PCCA: variants seen among roughly 807,000 people sequenced by gnomAD.
The protein encoded by PCCA is propionyl-CoA carboxylase alpha chain, mitochondrial.
PCCA carries 74 observed loss-of-function variants against 101.3 expected under a neutral mutation model. The ratio of observed to expected loss-of-function variants is 0.73; its 90% CI spans 0.61 to 0.89. PCCA has a LOEUF of 0.89. Ranked by LOEUF, PCCA falls within the 40% of genes least tolerant of loss-of-function variation. The probability of loss-of-function intolerance (pLI) is 0.00; values close to 1 mark genes in which losing one functional copy is unlikely to be tolerated. For missense variants in PCCA, 891 were observed against 907.0 expected (o/e 0.98, Z 0.23); for synonymous variants, 294 against 313.6 (o/e 0.94, Z 0.66).
At chr13:100,401,083 A>G (rs768937169) in intron 19 of PCCA, among the ~76,000 whole-genome samples, 3 of 152,054 alleles carry the variant, frequency 2.0e-5, no homozygotes, top group African/African-American at 4.8e-5. Flanking sequence ...ATTTCAGACT[A>G]TTGTTTCTTT....
chr13:100,116,622 A>T (rs1376280912), intron 4 of PCCA, among the ~76,000 whole-genome samples: 1 of 149,986 alleles, frequency 6.7e-6, no homozygotes, highest in Non-Finnish European at 1.5e-5. Context: ...CCCTTCCCCA[A>T]TTTTTAGATA....
rs376537225 is a variant in PCCA at position 100,424,678 on chromosome 13, A to C, written c.1747-955A>C. Among the ~76,000 whole-genome samples the C allele has an allele frequency of 2.4e-3, 359 of 152,248 alleles. 6 individuals carry two copies. The South Asian group carries it at 0.024, about 10-fold the overall frequency. Reference sequence around the variant, plus strand: ...CTTTGTCCACTGCCACCCCCGCCCTATCCCCAAGGGTCCAGCAGAAGAGGA... The same window carrying C: ...CTTTGTCCACTGCCACCCCCGCCCTCTCCCCAAGGGTCCAGCAGAAGAGGA... On this transcript the variant is annotated intron_variant, in intron 19 of 23. Coordinates refer to ENST00000376285, the MANE Select transcript of PCCA (RefSeq NM_000282.4).
intron 19 of PCCA, among the ~76,000 whole-genome samples, chr13:100,374,287 A>G (rs1475029137): frequency 1.3e-5 from 2 of 152,186 alleles, no homozygotes; most frequent in Admixed American, 1.3e-4. Context: ...GAATGACAGA[A>G]TTAATTAATA....
intron 19 of PCCA, among the ~76,000 whole-genome samples, chr13:100,376,820 G>A (rs2075938253): frequency 6.6e-6 from 1 of 152,142 alleles, no homozygotes; most frequent in South Asian, 2.1e-4. Flanking sequence ...GAATGGTTCT[G>A]TTTCGCTGGT....
chr13:100,314,345 A>T (rs745548110), intron 16 of PCCA, among the ~76,000 whole-genome samples: 5 of 152,104 alleles, frequency 3.3e-5, no homozygotes, highest in Non-Finnish European at 7.4e-5. Context: ...GTGTTCAGCA[A>T]CCCACAAGTC....
At chr13:100,297,022 A>G (rs921384504) in intron 12 of PCCA, among the ~76,000 whole-genome samples, 1 of 152,178 alleles carries the variant, frequency 6.6e-6, no homozygotes, top group Non-Finnish European at 1.5e-5. Context: ...AGCATAAACC[A>G]TTTATTTTAT....
At chr13:100,400,807 G>A (rs1335792730) in intron 19 of PCCA, among the ~76,000 whole-genome samples, 1 of 151,784 alleles carries the variant, frequency 6.6e-6, no homozygotes, top group East Asian at 1.9e-4. Flanking sequence ...TGTATTTTTA[G>A]TAGAGACGGG....
chr13:100,484,929 C>T (rs994953230), intron 21 of PCCA, among the ~76,000 whole-genome samples: 2 of 137,794 alleles, frequency 1.5e-5, no homozygotes, highest in Non-Finnish European at 3.2e-5. Flanking sequence ...GTTTGATGCA[C>T]TGATAGGACC....
intron 19 of PCCA, among the ~76,000 whole-genome samples, chr13:100,398,607 G>T (rs1002639701): frequency 6.6e-6 from 1 of 152,156 alleles, no homozygotes; most frequent in Admixed American, 6.5e-5. Flanking sequence ...TGTTAATGAA[G>T]TTGCTTGTCC....
intron 18 of PCCA, among the ~76,000 whole-genome samples, chr13:100,358,464 G>T (rs1416060770): frequency 1.3e-5 from 2 of 152,148 alleles, no homozygotes; most frequent in Non-Finnish European, 2.9e-5. Flanking sequence ...AAGTATTAAA[G>T]ATGAAAATGA....
rs58927688 is a variant in PCCA, at chr13:100,273,828, CT to C, written c.1065+484del. Among the ~76,000 whole-genome samples the C allele has an allele frequency of 2.0e-4, 30 of 152,260 alleles. 1 individual carries two copies. In the East Asian group the frequency reaches 5.8e-3, roughly 29 times the overall value. ...GGACGTTGAGAATCAAGTGGCTGCC[CT>C]TGGAACTGTTGGCTTTGGGGGACAT... On this transcript the variant is annotated intron_variant, in intron 12 of 23. Transcript: ENST00000376285.
intron 4 of PCCA, among the ~76,000 whole-genome samples, chr13:100,127,108 A>G (rs1396396768): frequency 1.3e-5 from 2 of 152,252 alleles, no homozygotes; most frequent in African/African-American, 4.8e-5. Flanking sequence ...ATTCCAGTCA[A>G]GATGGACTAT....
intron 20 of PCCA, among the ~76,000 whole-genome samples, chr13:100,426,381 C>T (rs1322603523): frequency 6.6e-6 from 1 of 151,514 alleles, no homozygotes; most frequent in Non-Finnish European, 1.5e-5. Context: ...AATCATGGAA[C>T]ATGTGGCTAT....
rs113207237 is a variant in PCCA, at chr13:100,336,729, T to C, written c.1541-3428T>C. On this transcript the variant is annotated intron_variant, in intron 17 of 23. Transcript: ENST00000376285. Reference sequence around the variant, plus strand: ...AGCCTAAGGCTTTTAGAACCAAGAGTTGCAGCTTTTTCCAGCCATGTCTTC... The same window carrying C: ...AGCCTAAGGCTTTTAGAACCAAGAGCTGCAGCTTTTTCCAGCCATGTCTTC... Among the ~76,000 whole-genome samples the C allele has an allele frequency of 2.5e-3, 384 of 151,794 alleles. 4 individuals are homozygous for C. In the South Asian group the frequency reaches 0.028, roughly 11 times the overall value.
At chr13:100,503,684 G>A (rs1466128528) in intron 21 of PCCA, among the ~76,000 whole-genome samples, 2 of 152,008 alleles carry the variant, frequency 1.3e-5, no homozygotes, top group Admixed American at 6.6e-5. Context: ...GGCATGGATC[G>A]CTTGAGCCTA....
intron 17 of PCCA, among the ~76,000 whole-genome samples, chr13:100,337,969 C>T (rs2070751985): frequency 2.0e-5 from 3 of 152,240 alleles, no homozygotes; most frequent in South Asian, 2.1e-4. Context: ...GCACATGACA[C>T]ATTAAACTGG....
At chr13:100,510,598 A>C (rs2086407411) in intron 21 of PCCA, among the ~76,000 whole-genome samples, 1 of 152,246 alleles carries the variant, frequency 6.6e-6, no homozygotes, top group Non-Finnish European at 1.5e-5. Flanking sequence ...AAGCAAGATC[A>C]CACTTTACAG....
At chr13:100,262,253 C>T (rs565845100) in intron 9 of PCCA, among the ~76,000 whole-genome samples, 3 of 152,050 alleles carry the variant, frequency 2.0e-5, no homozygotes, top group South Asian at 4.2e-4. Context: ...ATTAGCCGGG[C>T]GTGGTGGCAC....
chr13:100,136,337 C>T (rs2051168784), intron 4 of PCCA, among the ~76,000 whole-genome samples: 1 of 151,876 alleles, frequency 6.6e-6, no homozygotes, highest in Admixed American at 6.6e-5. Flanking sequence ...AGGCGTGCAC[C>T]ACCACGCCTG....
Sources: gnomAD v4.1 joint callset for allele counts (sites outside exome capture counted in the v4.1 genomes callset) on GRCh38, gnomAD v4.1.1 for gene constraint, MANE v1.5 for transcripts, NCBI Gene and HGNC (gene_info 2026-07-23, HGNC 2026-07-21) for gene names.